Variants in DYNC2H1 observed in about 807,000 individuals in gnomAD.
DYNC2H1 encodes cytoplasmic dynein 2 heavy chain 1.
A neutral mutation model predicts 570.0 loss-of-function variants in DYNC2H1; 410 were observed. The ratio of observed to expected loss-of-function variants is 0.72; its 90% confidence interval spans 0.66 to 0.78. The LOEUF is 0.78. Among genes scored for constraint, DYNC2H1 ranks in the 30% least tolerant of loss-of-function variants. DYNC2H1 has a pLI of 0.00. For synonymous variants in DYNC2H1, 1,688 were observed against 1,677.6 expected, an observed-to-expected ratio of 1.01 and a Z score of -0.15; for missense variants, 4,865 against 5,046.4, an observed-to-expected ratio of 0.96 and a Z score of 1.09.
chr11:103,372,848 G>A (rs1438036067), intron 83 of DYNC2H1, among the ~76,000 whole-genome samples: 1 of 152,168 alleles, frequency 6.6e-6, no homozygotes, highest in African/African-American at 2.4e-5. Flanking sequence ...ATGGTAGAGT[G>A]CAGCAGTGAA....
At chr11:103,175,169 C>T (rs1170733922) in intron 36 of DYNC2H1, among the ~76,000 whole-genome samples, 1 of 152,070 alleles carries the variant, frequency 6.6e-6, no homozygotes, top group East Asian at 1.9e-4. Flanking sequence ...GCTGAATAAT[C>T]AGTTTCTTCA....
At chr11:103,269,923 G>A (rs886659569) in intron 70 of DYNC2H1, among the ~76,000 whole-genome samples, 1 of 151,936 alleles carries the variant, frequency 6.6e-6, no homozygotes, top group Admixed American at 6.6e-5. Flanking sequence ...AGCTGGGTGC[G>A]GTGGTTCACA....
intron 83 of DYNC2H1, among the ~76,000 whole-genome samples, chr11:103,362,486 ATTTGTTTT>A (rs1940705051): frequency 6.6e-6 from 1 of 151,848 alleles, no homozygotes; most frequent in Non-Finnish European, 1.5e-5. Flanking sequence ...TGGTTTGTGT[ATTTGTTTT>A]TAATTATTAG....
intron 85 of DYNC2H1, among the ~76,000 whole-genome samples, chr11:103,447,800 T>C (rs993392105): frequency 6.6e-6 from 1 of 152,134 alleles, no homozygotes; most frequent in African/African-American, 2.4e-5. Flanking sequence ...TCGGGTAAAG[T>C]TGTTTTGTTT....
chr11:103,316,645 C>T, intron 80 of DYNC2H1, 25 bp downstream of exon 80: 1 of 1,449,998 alleles, frequency 6.9e-7, no homozygotes, highest in Non-Finnish European at 9.2e-7. Flanking sequence ...AAATTTTAAT[C>T]TCATATTAAT....
At chr11:103,271,842 T>C (rs1865720653) in intron 70 of DYNC2H1, among the ~76,000 whole-genome samples, 1 of 152,166 alleles carries the variant, frequency 6.6e-6, no homozygotes, top group African/African-American at 2.4e-5. Flanking sequence ...TCACTGGCCA[T>C]GAGAGAAATG....
At position 103,334,861 on chromosome 11, in the gene DYNC2H1, G is replaced by C. The variant is rs972895664; in HGVS notation, c.12039+10871G>C. ...TTGCTGTGGAGTAATCTTTCCACATGCTGCAGAGAGAAGGGTATTTTCTAG... is the reference window on the plus strand; with the variant it reads ...TTGCTGTGGAGTAATCTTTCCACATCCTGCAGAGAGAAGGGTATTTTCTAG... On this transcript the variant is annotated intron_variant, in intron 82 of 88. Coordinates refer to ENST00000375735, the MANE Select transcript of DYNC2H1 (RefSeq NM_001377.3). The surrounding 1 kb of genome is among the most constrained non-coding windows in gnomAD (Gnocchi z 4.3). 6.6e-6 allele frequency among the ~76,000 whole-genome samples: 1 copy of C among 152,022 alleles called. No homozygotes were observed. Among genetic ancestry groups the C allele is most frequent in the Non-Finnish European group, 1.5e-5 (1 of 67,948 alleles).
chr11:103,161,100 T>C, intron 29 of DYNC2H1, 56 bp downstream of exon 29: 1 of 1,004,324 alleles, frequency 1.0e-6, no homozygotes, highest in Non-Finnish European at 1.4e-6. Context: ...ATATGAACTT[T>C]GTGTCTAAAA....
At chr11:103,196,068 G>A (rs1009986280) in intron 47 of DYNC2H1, among the ~76,000 whole-genome samples, 3 of 152,174 alleles carry the variant, frequency 2.0e-5, no homozygotes, top group Admixed American at 2.0e-4. Context: ...GCCAGATTGT[G>A]GAGGGCCATC....
In DYNC2H1 at chr11:103,245,229, G is replaced by T; in HGVS notation, c.9919-22G>T. On this transcript the variant is annotated intron_variant, in intron 64 of 88. Coordinates refer to ENST00000375735, the MANE Select transcript of DYNC2H1 (RefSeq NM_001377.3). This position sits in a 1 kb window ranked among gnomAD's most constrained non-coding sequence, Gnocchi z 4.5. ...ATTAAAGTAATTAAATAATTAATACGTATTCTTTTTTATTCAATTAGGATA... is the reference window on the plus strand; with the variant it reads ...ATTAAAGTAATTAAATAATTAATACTTATTCTTTTTTATTCAATTAGGATA... 1 of 1,467,018 alleles carries T rather than the reference G, an allele frequency of 6.8e-7. No individual in the cohort carries two copies. The highest frequency in any genetic ancestry group is 9.2e-7 in the Non-Finnish European group (1 of 1,089,290). The allele number at this position is 1,467,018 out of a possible 1,614,324, so 90.9% of individuals were successfully genotyped here.
At chr11:103,386,141 G>A (rs547725517) in intron 83 of DYNC2H1, among the ~76,000 whole-genome samples, 2 of 152,246 alleles carry the variant, frequency 1.3e-5, no homozygotes, top group South Asian at 4.1e-4. Flanking sequence ...GCTTTAATAT[G>A]TTATTCAACA....
intron 59 of DYNC2H1, among the ~76,000 whole-genome samples, chr11:103,229,348 G>A (rs1203719274): frequency 6.6e-6 from 1 of 152,158 alleles, no homozygotes; most frequent in Non-Finnish European, 1.5e-5. Context: ...AGTGGGAGCT[G>A]CAAGCTAGTC....
At chr11:103,276,441 C>T (rs1865909056) in intron 70 of DYNC2H1, among the ~76,000 whole-genome samples, 1 of 151,916 alleles carries the variant, frequency 6.6e-6, no homozygotes, top group Non-Finnish European at 1.5e-5. Flanking sequence ...TATAAATTAT[C>T]TGTTAAAACT....
At chr11:103,343,499 C>T (rs79603904) in intron 82 of DYNC2H1, among the ~76,000 whole-genome samples, 32,582 of 151,928 alleles carry the variant, frequency 0.21, 3,624 homozygotes, top group Admixed American at 0.31. Context: ...AAAGCCCCAT[C>T]GGGGGTGGGG....
At chr11:103,118,898 G>A (rs548536844) in intron 6 of DYNC2H1, among the ~76,000 whole-genome samples, 1 of 152,286 alleles carries the variant, frequency 6.6e-6, no homozygotes, top group South Asian at 2.1e-4. Flanking sequence ...TCAGTCTGAT[G>A]AATTTATTAT....
In DYNC2H1 at chr11:103,135,839, A is replaced by G; in HGVS notation, c.2465A>G (p.Glu822Gly). The G allele has an allele frequency of 6.2e-7, 1 of 1,613,220 alleles. No homozygotes were observed. ...QFKGVGEAGDESIFSIMIDRN... is the reference protein window; with the variant it reads ...QFKGVGEAGDGSIFSIMIDRN... ...AAGGGAGTGGGTGAGGCAGGAGATG[A>G]ATCTATTTTTTCTATTATGATTGAT... The change falls in exon 17 of 89, where the codon GAA (glutamate) becomes GGA (glycine). Residue 822 changes from glutamate (E) to glycine (G), a missense_variant. Glu to Gly is a moderately conservative substitution (Grantham distance 98). Coordinates refer to ENST00000375735, the MANE Select transcript of DYNC2H1 (RefSeq NM_001377.3).
intron 82 of DYNC2H1, among the ~76,000 whole-genome samples, chr11:103,327,374 A>G (rs1938553010): frequency 6.6e-6 from 1 of 152,188 alleles, no homozygotes; most frequent in South Asian, 2.1e-4. Context: ...GAATATTCAC[A>G]TAAAATTTTA....
rs1301715205 is a variant in DYNC2H1 at position 103,151,384 on chromosome 11, C to T, written c.2947-752C>T. 2.0e-5 allele frequency among the ~76,000 whole-genome samples: 3 copies of T among 152,172 alleles called. No homozygotes were observed. The highest frequency in any genetic ancestry group is 4.4e-5 in the Non-Finnish European group (3 of 68,032). ...ACAGGTGTGAGCTGCCAGGCCTGCC[C>T]AATTCAGTTATATTTGAATTTCCTT... On this transcript the variant is annotated intron_variant, in intron 20 of 88. Coordinates refer to ENST00000375735, the MANE Select transcript of DYNC2H1 (RefSeq NM_001377.3). This position sits in a 1 kb window ranked among gnomAD's most constrained non-coding sequence, Gnocchi z 4.6.
intron 75 of DYNC2H1, among the ~76,000 whole-genome samples, chr11:103,295,818 C>T (rs1866798325): frequency 6.6e-6 from 1 of 152,196 alleles, no homozygotes; most frequent in Non-Finnish European, 1.5e-5. Context: ...TTCAAGTTAG[C>T]TCACTCCCTT....
Sources: allele counts gnomAD v4.1 joint callset (sites outside exome capture counted in the v4.1 genomes callset), GRCh38; gene constraint gnomAD v4.1.1; non-coding constraint Gnocchi (gnomAD v3.1); transcripts MANE v1.5; gene names NCBI Gene and HGNC (gene_info 2026-07-23, HGNC 2026-07-21).